Variants in NCAPG2 observed in about 807,000 individuals in gnomAD.
The protein encoded by NCAPG2 is non-SMC condensin II complex subunit G2.
A neutral mutation model predicts 141.1 loss-of-function variants in NCAPG2; 53 were observed. The ratio of observed to expected loss-of-function variants is 0.38; its 90% confidence interval spans 0.30 to 0.47. The LOEUF is 0.47. Ranked by LOEUF, NCAPG2 falls within the 20% of genes least tolerant of loss-of-function variation. NCAPG2 has a pLI of 0.99. For missense variants in NCAPG2, 1,087 were observed against 1,389.0 expected, an observed-to-expected ratio of 0.78 and a Z score of 3.46; for synonymous variants, 499 against 490.7, an observed-to-expected ratio of 1.02 and a Z score of -0.22.
intron 2 of NCAPG2, among the ~76,000 whole-genome samples, chr7:158,697,415 A>G (rs1835515536): frequency 6.6e-6 from 1 of 152,240 alleles, no homozygotes. Context: ...CAGCCTGGCC[A>G]ACATGGCGAA....
At chr7:158,652,601 A>G (rs909157417) in intron 22 of NCAPG2, 121 bp from the exon 23 acceptor site, 2 of 853,366 alleles carry the variant, frequency 2.3e-6, no homozygotes, top group African/African-American at 3.4e-5. Context: ...ACACTTTGGT[A>G]TTTGGTGAGC....
intron 9 of NCAPG2, among the ~76,000 whole-genome samples, chr7:158,681,058 C>G (rs1834424771): frequency 6.6e-6 from 1 of 152,158 alleles, no homozygotes; most frequent in African/African-American, 2.4e-5. Context: ...TGGCCTTGGG[C>G]TATAAAATGG....
At chr7:158,655,061 C>A in intron 21 of NCAPG2, 57 bp downstream of exon 21, 2 of 1,520,990 alleles carry the variant, frequency 1.3e-6, no homozygotes, top group Non-Finnish European at 8.8e-7. Context: ...AAAATGAAAT[C>A]CTGAAACATA....
chr7:158,691,370 T>C (rs1587289384), intron 4 of NCAPG2, among the ~76,000 whole-genome samples: 2 of 152,230 alleles, frequency 1.3e-5, no homozygotes, highest in South Asian at 4.1e-4. Flanking sequence ...TTGCAGACCA[T>C]ACAAATAAAC....
chr7:158,693,461 G>T lies in NCAPG2; in HGVS notation c.115C>A (p.Leu39Ile). ...TTCTGTTTCCTTGATAATTCATCTA[G>T]TAATTCATTTAGGCTGAAAGGATCA... is the stretch of plus-strand genomic sequence containing the variant. ...ASDPFSLNELLDELSRKQKEE... is the reference protein window; with the variant it reads ...ASDPFSLNELIDELSRKQKEE... The change falls in exon 3 of 28, where the codon CTA becomes ATA. Residue 39 changes from leucine to isoleucine, a missense_variant. Physicochemically the swap from Leu to Ile is conservative, Grantham distance 5. Coordinates refer to ENST00000356309, the MANE Select transcript of NCAPG2 (RefSeq NM_017760.7). The T allele has an allele frequency of 6.2e-7, 1 of 1,613,722 alleles. No homozygotes were observed. The highest frequency in any genetic ancestry group is 1.1e-5 in the South Asian group (1 of 91,066).
rs1832792310 is a variant in NCAPG2, at chr7:158,664,768, A to G, written c.1480-18T>C. 1 of 1,594,458 alleles carries G rather than the reference A, an allele frequency of 6.3e-7. No homozygotes were observed. Among genetic ancestry groups the G allele is most frequent in the African/African-American group, 1.3e-5 (1 of 74,466 alleles). On this transcript the variant is annotated intron_variant, in intron 13 of 27. Coordinates refer to ENST00000356309, the MANE Select transcript of NCAPG2 (RefSeq NM_017760.7). The stretch of plus-strand genomic sequence containing the variant: ...TTCCAAAACTGTGCAAAAAGCACAT[A>G]TGCAGAAGGAAATAATCAATTGTGC...
At chr7:158,637,280 A>G (rs11978889) in intron 27 of NCAPG2, among the ~76,000 whole-genome samples, 33,163 of 152,052 alleles carry the variant, frequency 0.22, 4,868 homozygotes, top group East Asian at 0.4. Context: ...CATAGTGGAC[A>G]CTCAATCATT....
chr7:158,632,859 T>C (rs1829977500), intron 27 of NCAPG2, among the ~76,000 whole-genome samples: 1 of 152,186 alleles, frequency 6.6e-6, no homozygotes, highest in Non-Finnish European at 1.5e-5. Flanking sequence ...CAATATAAAA[T>C]TATTTATGAC....
chr7:158,683,435 T>C, intron 8 of NCAPG2, 49 bp from the exon 9 acceptor site: 1 of 1,374,934 alleles, frequency 7.3e-7, no homozygotes, highest in Non-Finnish European at 1.0e-6. Context: ...TGTGTCCTAC[T>C]GACGACCTGA....
At position 158,631,550 on chromosome 7, in the gene NCAPG2, T is replaced by C; in HGVS notation, c.*116A>G. ...ACCTTCCCACATTCCCACAAAAAAA[T>C]CCCACCCTTTCCCTATTATATGGGT... On this transcript the variant is annotated 3_prime_UTR_variant, in exon 28 of 28. Transcript: ENST00000356309. The C allele has an allele frequency of 9.9e-7, 1 of 1,013,760 alleles. No homozygotes were observed. The highest frequency in any genetic ancestry group is 2.2e-5 in the Admixed American group (1 of 46,372). 62.8% of individuals were successfully genotyped at this position (1,013,760 alleles called of 1,614,324 possible).
chr7:158,662,525 A>G (rs912317592), intron 15 of NCAPG2, among the ~76,000 whole-genome samples, 158 bp from the exon 16 acceptor site: 10 of 152,184 alleles, frequency 6.6e-5, no homozygotes, highest in African/African-American at 2.4e-4. Flanking sequence ...TAGGGAGGTA[A>G]ATTTATTTTT....
In NCAPG2 at chr7:158,633,548, G is replaced by A. The variant is rs1398090768; in HGVS notation, c.3381-1831C>T. 6.6e-6 allele frequency among the ~76,000 whole-genome samples: 1 copy of A among 152,124 alleles called. No homozygotes were observed. The highest frequency in any genetic ancestry group is 2.4e-5 in the African/African-American group (1 of 41,438). On this transcript the variant is annotated intron_variant, in intron 27 of 27. Transcript: ENST00000356309. The surrounding 1 kb of genome is among the most constrained non-coding windows in gnomAD (Gnocchi z 4.1). ...GCCCCACAGCCCCTTCACTCTCCCA[G>A]CCTCGCTGGGCCTCTACTGGACCTG...
chr7:158,646,383 A>C, intron 25 of NCAPG2, 77 bp downstream of exon 25: 1 of 1,058,162 alleles, frequency 9.5e-7, no homozygotes, highest in Non-Finnish European at 1.4e-6. Context: ...ACTTGAGTGT[A>C]AAAGGAATAG....
At chr7:158,671,399 G>A (rs1333582588) in intron 13 of NCAPG2, 115 bp downstream of exon 13, 3 of 1,259,742 alleles carry the variant, frequency 2.4e-6, no homozygotes, top group African/African-American at 1.5e-5. Context: ...AGAGATAACT[G>A]GTCAAATCAT....
At chr7:158,688,005 T>C (rs1430258326) in intron 6 of NCAPG2, among the ~76,000 whole-genome samples, 1 of 152,094 alleles carries the variant, frequency 6.6e-6, no homozygotes, top group Non-Finnish European at 1.5e-5. Context: ...CTAAGAAGAA[T>C]GAATACAATC....
intron 25 of NCAPG2, 111 bp downstream of exon 25, chr7:158,646,349 T>C (rs1831014847): frequency 2.9e-6 from 2 of 689,530 alleles, no homozygotes; most frequent in African/African-American, 1.9e-5. Flanking sequence ...ATTTTTCTCA[T>C]AGAAAAGAAT....
At chr7:158,639,282 A>AT (rs924566971) in intron 27 of NCAPG2, among the ~76,000 whole-genome samples, 1 of 151,896 alleles carries the variant, frequency 6.6e-6, no homozygotes, top group African/African-American at 2.4e-5. Context: ...TAATTTCTAT[A>AT]TTTTTTGTAG....
At chr7:158,635,774 G>A (rs1587036561) in intron 27 of NCAPG2, among the ~76,000 whole-genome samples, 1 of 152,292 alleles carries the variant, frequency 6.6e-6, no homozygotes, top group East Asian at 1.9e-4. Context: ...TAGTTGTTAA[G>A]AAAACGTGCA....
At chr7:158,663,137 C>T (rs1418448458) in intron 15 of NCAPG2, among the ~76,000 whole-genome samples, 1 of 152,246 alleles carries the variant, frequency 6.6e-6, no homozygotes, top group Non-Finnish European at 1.5e-5. Context: ...CCAGCACAGA[C>T]ACACAGCCAG....
Sources: allele counts gnomAD v4.1 joint callset (sites outside exome capture counted in the v4.1 genomes callset), GRCh38; gene constraint gnomAD v4.1.1; non-coding constraint Gnocchi (gnomAD v3.1); transcripts MANE v1.5; gene names NCBI Gene and HGNC (gene_info 2026-07-23, HGNC 2026-07-21).